The following GDA variants were observed in gnomAD, a reference collection of about 807,000 sequenced individuals.
GDA encodes guanine deaminase.
In GDA, 18 loss-of-function variants were observed where a neutral mutation model predicts 59.6. That is an observed-to-expected ratio of 0.30 (90% confidence interval 0.21 to 0.45). The LOEUF (loss-of-function observed/expected upper bound fraction) is 0.45. Among genes scored for constraint, GDA ranks in the 20% least tolerant of loss-of-function variants. The pLI is 1.00. For missense variants in GDA, 427 were observed against 552.3 expected (o/e 0.77, Z 2.27); for synonymous variants, 201 against 201.1 (o/e 1.00, Z 0.00).
At chr9:72,197,556 A>C (rs576556550) in intron 2 of GDA, 5 of 152,240 alleles carry the variant, frequency 3.3e-5, no homozygotes, top group Admixed American at 1.3e-4. Flanking sequence ...GGGTAAACAT[A>C]ACTGTGGGTC....
At chr9:72,222,668 G>A (rs1378061344) in intron 6 of GDA, among the ~76,000 whole-genome samples, 1 of 151,722 alleles carries the variant, frequency 6.6e-6, no homozygotes. Flanking sequence ...TATTGCCTAG[G>A]TTGTCTTCCA....
At chr9:72,163,247 T>C (rs1828873907) in intron 1 of GDA, among the ~76,000 whole-genome samples, 1 of 152,124 alleles carries the variant, frequency 6.6e-6, no homozygotes, top group African/African-American at 2.4e-5. Context: ...CACTGAGTTT[T>C]TGAAGTCAAA....
chr9:72,159,469 G>A lies in GDA; in HGVS notation c.123+9787G>A, dbSNP rs115985646. On this transcript the variant is annotated intron_variant, in intron 1 of 13. Coordinates refer to ENST00000358399, the MANE Select transcript of GDA (RefSeq NM_004293.5). Reference sequence around the variant, plus strand: ...GCAAACCCCACCTTAAAACCCAACTGTGTCAATATGAGTTTATTTACAGCC... The same window carrying A: ...GCAAACCCCACCTTAAAACCCAACTATGTCAATATGAGTTTATTTACAGCC... 7.7e-3 allele frequency among the ~76,000 whole-genome samples: 1,167 copies of A among 152,010 alleles called. 20 individuals carry two copies. Among genetic ancestry groups the A allele is most frequent in the African/African-American group, 0.026 (1,080 of 41,426 alleles).
intron 1 of GDA, among the ~76,000 whole-genome samples, chr9:72,169,679 A>G (rs950428943): frequency 6.6e-6 from 1 of 152,238 alleles, no homozygotes; most frequent in African/African-American, 2.4e-5. Flanking sequence ...AAAGTCTTGG[A>G]AGTTCTGTTG....
In GDA at chr9:72,202,566, T is replaced by A. The variant is rs758880816; in HGVS notation, c.213-5T>A. ...AAATACTTTTATTCTCATCTTAATT[T>A]CCAGTGAGTTCTTCATGCCTGGGCT... On this transcript the variant is annotated splice_polypyrimidine_tract_variant and splice_region_variant and intron_variant, in intron 2 of 13. Coordinates refer to ENST00000358399, the MANE Select transcript of GDA (RefSeq NM_004293.5). 1 of 1,542,572 alleles carries A rather than the reference T, an allele frequency of 6.5e-7. No individual in the cohort carries two copies. Among genetic ancestry groups the A allele is most frequent in the East Asian group, 2.3e-5 (1 of 44,094 alleles).
At chr9:72,206,135 G>C (rs1385912814) in intron 3 of GDA, among the ~76,000 whole-genome samples, 1 of 152,000 alleles carries the variant, frequency 6.6e-6, no homozygotes, top group African/African-American at 2.4e-5. Flanking sequence ...CCTAATAAAA[G>C]GTTAATTTTT....
intron 8 of GDA, among the ~76,000 whole-genome samples, chr9:72,227,457 C>G (rs536059255): frequency 3.0e-4 from 46 of 152,252 alleles, no homozygotes; most frequent in African/African-American, 1.0e-3. Context: ...AAATAAAGAA[C>G]AGCGCTTTGC....
chr9:72,205,884 A>G (rs145632994), intron 3 of GDA, among the ~76,000 whole-genome samples: 1 of 152,154 alleles, frequency 6.6e-6, no homozygotes, highest in Non-Finnish European at 1.5e-5. Flanking sequence ...TAAGCCCTGT[A>G]CCTCCTGGTT....
chr9:72,233,268 T>A (rs1312466090), intron 10 of GDA, among the ~76,000 whole-genome samples: 3 of 152,166 alleles, frequency 2.0e-5, no homozygotes, highest in Non-Finnish European at 4.4e-5. Context: ...GAAACCCACA[T>A]GAAATTTAAC....
chr9:72,251,021 T>A lies in GDA; in HGVS notation c.*2679T>A. On this transcript the variant is annotated 3_prime_UTR_variant, in exon 14 of 14. Transcript: ENST00000358399. ...ACAGACCAAGGAGACTGTTCCCTAA[T>A]TTATTCTCTTGGCTGGTTCTCTCAT... 1.8e-6 allele frequency: 1 copy of A among 560,184 alleles called. No individual in the cohort carries two copies. 34.7% of individuals were successfully genotyped at this position (560,184 alleles called of 1,614,324 possible). A position where few individuals can be genotyped will look rare whatever the true frequency, so the allele number is the denominator to read the frequency against.
intron 5 of GDA, among the ~76,000 whole-genome samples, chr9:72,216,155 A>G (rs1324526844): frequency 6.6e-6 from 1 of 152,212 alleles, no homozygotes; most frequent in Non-Finnish European, 1.5e-5. Flanking sequence ...CCCACATCAC[A>G]TCATAGCTGA....
At chr9:72,254,368 A>G (rs138024511), downstream of GDA, among the ~76,000 whole-genome samples, 30 of 152,320 alleles carry the variant, frequency 2.0e-4, no homozygotes, top group African/African-American at 7.0e-4. Flanking sequence ...TCTCTGTAGC[A>G]AAAACTTTGT....
At chr9:72,120,656 T>C (rs1465724295) in intron 1 of GDA, among the ~76,000 whole-genome samples, 4 of 152,192 alleles carry the variant, frequency 2.6e-5, no homozygotes, top group Non-Finnish European at 1.5e-5. Context: ...AAATGTGACA[T>C]TGTTAACATG....
intron 1 of GDA, among the ~76,000 whole-genome samples, chr9:72,118,369 T>G (rs1468498550): frequency 2.0e-5 from 3 of 151,886 alleles, no homozygotes; most frequent in Admixed American, 6.6e-5. Flanking sequence ...CTAAATACCT[T>G]GATAATTTAT....
intron 11 of GDA, among the ~76,000 whole-genome samples, chr9:72,243,075 G>T (rs1413333232): frequency 1.3e-5 from 2 of 152,136 alleles, no homozygotes; most frequent in Non-Finnish European, 2.9e-5. Flanking sequence ...TGAGATGAAT[G>T]GATCTGTATT....
chr9:72,183,369 T>G (rs925753964), intron 1 of GDA, among the ~76,000 whole-genome samples: 1 of 152,104 alleles, frequency 6.6e-6, no homozygotes, highest in Non-Finnish European at 1.5e-5. Context: ...CTGACCCTAT[T>G]AGCATTCTCA....
chr9:72,169,097 C>A (rs1829661251), intron 1 of GDA, among the ~76,000 whole-genome samples: 1 of 152,164 alleles, frequency 6.6e-6, no homozygotes, highest in Non-Finnish European at 1.5e-5. Flanking sequence ...CTTTCTAAAC[C>A]CTTCCAAGAC....
intron 10 of GDA, among the ~76,000 whole-genome samples, chr9:72,232,996 C>T (rs201765151): frequency 6.6e-6 from 1 of 152,156 alleles, no homozygotes; most frequent in Non-Finnish European, 1.5e-5. Context: ...ATTGACCAAA[C>T]GTTTGAATAA....
downstream of GDA, chr9:72,257,426 T>C (rs1179249853): frequency 6.6e-6 from 1 of 152,222 alleles, no homozygotes; most frequent in African/African-American, 2.4e-5. Context: ...TCTTTAGAGA[T>C]AGGATATAAA....
Sources: gnomAD v4.1 joint callset for allele counts (sites outside exome capture counted in the v4.1 genomes callset) on GRCh38, gnomAD v4.1.1 for gene constraint, MANE v1.5 for transcripts, NCBI Gene and HGNC (gene_info 2026-07-23, HGNC 2026-07-21) for gene names.